IRAK2: variants seen among roughly 807,000 people sequenced by gnomAD.
IRAK2 encodes the protein interleukin-1 receptor-associated kinase-like 2.
A neutral mutation model predicts 72.0 loss-of-function variants in IRAK2; 57 were observed. That is an observed-to-expected ratio of 0.79 (90% confidence interval 0.64 to 0.99). The LOEUF (loss-of-function observed/expected upper bound fraction) is 0.99. Ranked by LOEUF, IRAK2 falls within the 50% of genes least tolerant of loss-of-function variation. The probability of loss-of-function intolerance (pLI) is 0.00; values close to 1 mark genes in which losing one functional copy is unlikely to be tolerated. For synonymous variants in IRAK2, 293 were observed against 312.7 expected (o/e 0.94, Z 0.67); for missense variants, 790 against 794.4 (o/e 0.99, Z 0.07).
chr3:10,236,238 C>T (rs1697956233), intron 11 of IRAK2, among the ~76,000 whole-genome samples: 1 of 150,394 alleles, frequency 6.6e-6, no homozygotes, highest in Non-Finnish European at 1.5e-5. Flanking sequence ...GGCTAGAACA[C>T]AACACATGGG....
At chr3:10,192,112 A>T (rs2125148546) in intron 2 of IRAK2, among the ~76,000 whole-genome samples, 1 of 151,864 alleles carries the variant, frequency 6.6e-6, no homozygotes, top group South Asian at 2.1e-4. Flanking sequence ...CCCAGGGATT[A>T]GGAGGGAAAG....
At position 10,184,929 on chromosome 3, in the gene IRAK2, G is replaced by A. The variant is rs553480090; in HGVS notation, c.277+6909G>A. 2.9e-3 allele frequency among the ~76,000 whole-genome samples: 438 copies of A among 150,450 alleles called. 4 individuals are homozygous for A. Among genetic ancestry groups the A allele is most frequent in the Non-Finnish European group, 5.5e-3 (371 of 67,862 alleles). On this transcript the variant is annotated intron_variant, in intron 2 of 12. Transcript: ENST00000256458. ...TTTTTTTTTATTTTTAGTAGAGACG[G>A]GGTTTCACCGTGTTAGCCAGGGTGA...
chr3:10,202,668 C>T (rs1348897009), intron 3 of IRAK2, among the ~76,000 whole-genome samples: 1 of 147,186 alleles, frequency 6.8e-6, no homozygotes, highest in Non-Finnish European at 1.5e-5. Context: ...CTCTGTCAGC[C>T]TTTGCTGTTT....
intron 1 of IRAK2, among the ~76,000 whole-genome samples, chr3:10,174,732 C>T (rs1683016): frequency 1.3e-5 from 2 of 152,128 alleles, no homozygotes; most frequent in Admixed American, 6.6e-5. Context: ...ACCATGTTGG[C>T]CAGGCTGGTC....
intron 10 of IRAK2, among the ~76,000 whole-genome samples, chr3:10,227,117 A>T (rs1164422940): frequency 6.6e-6 from 1 of 152,162 alleles, no homozygotes; most frequent in Non-Finnish European, 1.5e-5. Context: ...TCCATTTTGT[A>T]GGCCAAAGAT....
chr3:10,208,089 A>AG (rs1021586552), intron 3 of IRAK2, among the ~76,000 whole-genome samples: 127 of 150,924 alleles, frequency 8.4e-4, no homozygotes, highest in Non-Finnish European at 2.7e-4. Flanking sequence ...GCCGTCTGGT[A>AG]GGGGGGCTCC....
intron 2 of IRAK2, among the ~76,000 whole-genome samples, chr3:10,190,254 C>T (rs529972736): frequency 8.4e-5 from 12 of 143,120 alleles, no homozygotes; most frequent in Admixed American, 1.4e-4. Context: ...TCAAAGCATA[C>T]GAGATGGTGA....
intron 3 of IRAK2, among the ~76,000 whole-genome samples, chr3:10,206,238 C>G (rs777410020): frequency 3.1e-4 from 47 of 152,162 alleles, no homozygotes; most frequent in Non-Finnish European, 5.7e-4. Context: ...TCCTATCTGC[C>G]TAGTGTACCC....
intron 11 of IRAK2, among the ~76,000 whole-genome samples, chr3:10,237,650 AC>A (rs372814907): frequency 9.9e-5 from 15 of 151,946 alleles, no homozygotes; most frequent in African/African-American, 3.6e-4. Context: ...TACTAAAAAT[AC>A]AAAAAATTAG....
At chr3:10,205,036 C>T (rs1464246793) in intron 3 of IRAK2, among the ~76,000 whole-genome samples, 2 of 152,112 alleles carry the variant, frequency 1.3e-5, no homozygotes, top group Admixed American at 6.6e-5. Flanking sequence ...AAATTACAAA[C>T]ATACAAAAGC....
chr3:10,214,219 G>A (rs895879778), intron 6 of IRAK2, among the ~76,000 whole-genome samples: 5 of 151,584 alleles, frequency 3.3e-5, no homozygotes, highest in African/African-American at 9.7e-5. Context: ...GTGAGCCACC[G>A]TGCCTGACTT....
Position 10,165,067 on chromosome 3 carries a change from G to C in IRAK2, c.94+19G>C. On this transcript the variant is annotated intron_variant, in intron 1 of 12. Transcript: ENST00000256458. ...GAGTTCGGTGAGTGCGGCCCGGGGA[G>C]GGGAGGGGACCAGGGCGACCGGAGC... The C allele has an allele frequency of 3.1e-6, 5 of 1,600,348 alleles. No individual in the cohort carries two copies. The highest frequency in any genetic ancestry group is 2.2e-5 in the South Asian group (2 of 89,900).
Position 10,164,979 on chromosome 3 carries a change from C to T in IRAK2, c.25C>T (p.Pro9Ser), listed in dbSNP as rs991277667. 2.5e-6 allele frequency: 4 copies of T among 1,611,232 alleles called. No individual in the cohort carries two copies. In the African/African-American group the frequency reaches 5.4e-5, roughly 22 times the overall value. The change falls in exon 1 of 13, where the codon CCC becomes TCC. Residue 9 changes from proline (P) to serine (S), a missense_variant. By Grantham distance (74) the Pro-to-Ser change is moderately conservative. Coordinates refer to ENST00000256458, the MANE Select transcript of IRAK2 (RefSeq NM_001570.4). ...CATGGCCTGCTACATCTACCAGCTG[C>T]CCTCCTGGGTGCTGGACGACCTGTG... Reference protein sequence around the residue: MACYIYQLPSWVLDDLCRN... With the variant: MACYIYQLSSWVLDDLCRN...
intron 2 of IRAK2, among the ~76,000 whole-genome samples, chr3:10,189,461 G>C (rs1697139098): frequency 6.6e-6 from 1 of 152,216 alleles, no homozygotes; most frequent in Non-Finnish European, 1.5e-5. Flanking sequence ...TATATGGACT[G>C]GGGGGCTGGG....
At chr3:10,213,052 G>A (rs531063375) in intron 4 of IRAK2, among the ~76,000 whole-genome samples, 155 bp from the exon 5 acceptor site, 1 of 152,290 alleles carries the variant, frequency 6.6e-6, no homozygotes, top group Admixed American at 6.5e-5. Flanking sequence ...ACAGGCGTGA[G>A]CCACCGTGCC....
intron 2 of IRAK2, among the ~76,000 whole-genome samples, chr3:10,196,252 C>T (rs1262900996): frequency 7.9e-5 from 12 of 152,188 alleles, no homozygotes; most frequent in African/African-American, 2.7e-4. Context: ...GTAGCTGGGA[C>T]TACAGGTGTG....
intron 9 of IRAK2, among the ~76,000 whole-genome samples, chr3:10,224,274 T>C (rs1026771216): frequency 1.3e-5 from 2 of 150,764 alleles, no homozygotes; most frequent in Non-Finnish European, 2.9e-5. Flanking sequence ...GAGGCAGAGG[T>C]TGCAGTAAGC....
Position 10,242,287 on chromosome 3 carries a change from GA to G in IRAK2, c.*64del. 5.9e-6 allele frequency: 6 copies of G among 1,009,834 alleles called. No homozygotes were observed. Among genetic ancestry groups the G allele is most frequent in the East Asian group, 2.5e-5 (1 of 40,308 alleles). 62.6% of individuals were successfully genotyped at this position (1,009,834 alleles called of 1,614,324 possible). On this transcript the variant is annotated 3_prime_UTR_variant, in exon 13 of 13. Transcript: ENST00000256458. ...GTTGGAAAGATGAGCATCAGATCAA[GA>G]AAAAGGTCTGAGGCAGAATCCAAGA...
chr3:10,231,126 A>C (rs1185271510), intron 10 of IRAK2, among the ~76,000 whole-genome samples: 1 of 152,054 alleles, frequency 6.6e-6, no homozygotes, highest in Non-Finnish European at 1.5e-5. Flanking sequence ...TATTATTTTA[A>C]CAGCTTTTAG....
Sources: gnomAD v4.1 joint callset for allele counts (sites outside exome capture counted in the v4.1 genomes callset) on GRCh38, gnomAD v4.1.1 for gene constraint, MANE v1.5 for transcripts, NCBI Gene and HGNC (gene_info 2026-07-23, HGNC 2026-07-21) for gene names.